Variants in SYNE2 observed in about 807,000 individuals in gnomAD.
The protein encoded by SYNE2 is spectrin repeat containing nuclear envelope protein 2.
A neutral mutation model predicts 856.3 loss-of-function variants in SYNE2; 431 were observed. That is an observed-to-expected ratio of 0.50 (90% CI 0.47 to 0.55). The LOEUF (loss-of-function observed/expected upper bound fraction) is 0.55. Ranked by LOEUF, SYNE2 falls within the 20% of genes least tolerant of loss-of-function variation. SYNE2 has a pLI of 0.00. For missense variants in SYNE2, 8,129 were observed against 8,023.2 expected, an observed-to-expected ratio of 1.01 and a Z score of -0.50; for synonymous variants, 2,923 against 2,872.3, an observed-to-expected ratio of 1.02 and a Z score of -0.56.
intron 8 of SYNE2, among the ~76,000 whole-genome samples, chr14:63,957,035 A>G (rs1356840254): frequency 6.6e-6 from 1 of 151,906 alleles, no homozygotes. Flanking sequence ...TATACAATAT[A>G]TGGTCTTTGT....
intron 3 of SYNE2, 127 bp downstream of exon 3, chr14:63,940,802 C>A: frequency 1.2e-6 from 1 of 801,288 alleles, no homozygotes; most frequent in Non-Finnish European, 2.1e-6. Flanking sequence ...TGTGGAATGT[C>A]TTTTCTTGAA....
chr14:63,813,804 A>G (rs1453054909), intron 1 of SYNE2, among the ~76,000 whole-genome samples: 1 of 152,228 alleles, frequency 6.6e-6, no homozygotes, highest in Non-Finnish European at 1.5e-5. Flanking sequence ...CTGTAATCCC[A>G]GTACTTTGGG....
In SYNE2 at chr14:63,948,674, T is replaced by TA. The variant is rs1555393385; in HGVS notation, c.409-1151_409-1150insA. 3.9e-4 allele frequency among the ~76,000 whole-genome samples: 40 copies of TA among 102,952 alleles called. 2 individuals are homozygous for TA. The highest frequency in any genetic ancestry group is 1.3e-3 in the African/African-American group (35 of 26,384). 67.5% of individuals were successfully genotyped at this position (102,952 alleles called of 152,430 possible). On this transcript the variant is annotated intron_variant, in intron 6 of 115. Transcript: ENST00000555002. ...AGACTCCATCTCAAAAAAAAAAAAA[T>TA]TATATATATATGTGTGTATATATAT...
chr14:63,969,594 G>A (rs2096448504), intron 11 of SYNE2, among the ~76,000 whole-genome samples: 1 of 151,940 alleles, frequency 6.6e-6, no homozygotes, highest in Non-Finnish European at 1.5e-5. Context: ...ACCCGCCTCG[G>A]CCTCCCAAAG....
intron 1 of SYNE2, among the ~76,000 whole-genome samples, chr14:63,880,524 C>T (rs1015333260): frequency 6.6e-6 from 1 of 152,060 alleles, no homozygotes; most frequent in Non-Finnish European, 1.5e-5. Context: ...TCAACTACCA[C>T]AACTATTTTT....
At chr14:63,791,545 C>T (rs1398881537) in intron 1 of SYNE2, among the ~76,000 whole-genome samples, 2 of 152,218 alleles carry the variant, frequency 1.3e-5, no homozygotes, top group Admixed American at 6.5e-5. Flanking sequence ...TATATCATAG[C>T]AAATTTGCTA....
chr14:63,819,703 AT>A (rs1889141112), intron 1 of SYNE2, among the ~76,000 whole-genome samples: 5 of 151,654 alleles, frequency 3.3e-5, no homozygotes, highest in African/African-American at 9.7e-5. Flanking sequence ...TGCCTGGCTA[AT>A]TTTTTATATT....
At chr14:64,087,050 T>C (rs950751526) in intron 57 of SYNE2, among the ~76,000 whole-genome samples, 1 of 147,296 alleles carries the variant, frequency 6.8e-6, no homozygotes, top group Non-Finnish European at 1.5e-5. Context: ...AATTTATTCC[T>C]AAGTATTTTA....
At chr14:63,792,925 C>T (rs890165317) in intron 1 of SYNE2, among the ~76,000 whole-genome samples, 1 of 152,126 alleles carries the variant, frequency 6.6e-6, no homozygotes, top group Admixed American at 6.6e-5. Flanking sequence ...GGGATCCTCT[C>T]GCATCCACCT....
intron 1 of SYNE2, among the ~76,000 whole-genome samples, chr14:63,891,384 T>C (rs1264234121): frequency 6.6e-6 from 1 of 152,022 alleles, no homozygotes; most frequent in African/African-American, 2.4e-5. Context: ...TATGGGAAGG[T>C]GACTAGGAAA....
intron 38 of SYNE2, 92 bp from the exon 39 acceptor site, chr14:64,024,165 C>T (rs2096959592): frequency 9.5e-7 from 1 of 1,052,412 alleles, no homozygotes; most frequent in Non-Finnish European, 1.5e-6. Context: ...GGTGGTATGT[C>T]TGTGTACTGG....
At chr14:63,933,450 C>T (rs954221893) in intron 2 of SYNE2, among the ~76,000 whole-genome samples, 1 of 152,174 alleles carries the variant, frequency 6.6e-6, no homozygotes, top group Non-Finnish European at 1.5e-5. Context: ...GAGTTGCCCG[C>T]TCACAAAAGC....
intron 32 of SYNE2, among the ~76,000 whole-genome samples, chr14:64,013,323 A>ATTTTTT (rs57074861): frequency 7.3e-6 from 1 of 136,276 alleles, no homozygotes; most frequent in Non-Finnish European, 1.6e-5. Context: ...TCCTCATTAA[A>ATTTTTT]TTTTTTTTTT....
At chr14:64,194,710 T>C (rs1024713203) in intron 99 of SYNE2, among the ~76,000 whole-genome samples, 1 of 152,250 alleles carries the variant, frequency 6.6e-6, no homozygotes, top group Non-Finnish European at 1.5e-5. Flanking sequence ...TGTGTTCCTC[T>C]GTTTTGGAGG....
At chr14:63,875,648 GA>G (rs201704453) in intron 1 of SYNE2, among the ~76,000 whole-genome samples, 10 of 148,144 alleles carry the variant, frequency 6.8e-5, no homozygotes, top group East Asian at 3.9e-4. Flanking sequence ...TAACAGAATA[GA>G]AAAAAAAAAT....
chr14:64,084,416 GTCTTCA>G (rs2097545091), intron 57 of SYNE2: 1 of 152,364 alleles, frequency 6.6e-6, no homozygotes, highest in Non-Finnish European at 1.5e-5. Context: ...CCTTTCACCT[GTCTTCA>G]ACCCTAGGTG....
intron 1 of SYNE2, among the ~76,000 whole-genome samples, chr14:63,859,123 T>A (rs1892788936): frequency 6.6e-6 from 1 of 152,118 alleles, no homozygotes; most frequent in Non-Finnish European, 1.5e-5. Flanking sequence ...AGCCATCTAC[T>A]GGGCAGAAGT....
chr14:63,800,372 C>T (rs1433502986), intron 1 of SYNE2, among the ~76,000 whole-genome samples: 1 of 152,154 alleles, frequency 6.6e-6, no homozygotes, highest in Non-Finnish European at 1.5e-5. Flanking sequence ...AGGCATCTGC[C>T]ACCCAAAGTG....
At chr14:63,835,564 TGC>T (rs1244966719) in intron 1 of SYNE2, among the ~76,000 whole-genome samples, 4 of 86,908 alleles carry the variant, frequency 4.6e-5, no homozygotes, top group Admixed American at 1.3e-4. Flanking sequence ...TGTAGATATT[TGC>T]GTGTGTGTGT....
Sources: gnomAD v4.1 joint callset for allele counts (sites outside exome capture counted in the v4.1 genomes callset) on GRCh38, gnomAD v4.1.1 for gene constraint, MANE v1.5 for transcripts, NCBI Gene and HGNC (gene_info 2026-07-23, HGNC 2026-07-21) for gene names.